The following ATXN1 variants were observed in gnomAD, a reference collection of about 807,000 sequenced individuals.
The protein encoded by ATXN1 is ataxin-1.
In ATXN1, 8 loss-of-function variants were observed where a neutral mutation model predicts 56.4. That is an observed-to-expected ratio of 0.14 (90% confidence interval 0.08 to 0.26). The LOEUF (loss-of-function observed/expected upper bound fraction) is 0.26, where lower values mean the gene tolerates loss of function less well. Ranked by LOEUF, ATXN1 falls within the 10% of genes least tolerant of loss-of-function variation. The pLI is 1.00. For missense variants in ATXN1, 987 were observed against 1,106.5 expected, an observed-to-expected ratio of 0.89 and a Z score of 1.53; for synonymous variants, 514 against 494.6, an observed-to-expected ratio of 1.04 and a Z score of -0.52.
chr6:16,633,424 A>T (rs2299069), intron 3 of ATXN1, among the ~76,000 whole-genome samples: 4,081 of 152,308 alleles, frequency 0.027, 77 homozygotes, highest in South Asian at 0.074. Context: ...TGAAACAAAC[A>T]TGACCACACG....
intron 3 of ATXN1, among the ~76,000 whole-genome samples, chr6:16,611,849 ATTTTTTTTTTTT>A (rs369870821): frequency 4.0e-5 from 3 of 75,170 alleles, no homozygotes; most frequent in African/African-American, 4.9e-5. Context: ...AGCAGATGAA[ATTTTTTTTTTTT>A]TTTTTTTTTT....
At chr6:16,750,616 C>T (rs531596021) in intron 2 of ATXN1, among the ~76,000 whole-genome samples, 4 of 152,268 alleles carry the variant, frequency 2.6e-5, no homozygotes, top group Non-Finnish European at 2.9e-5. Flanking sequence ...GGTGACTTTG[C>T]GCTACTTCGT....
At chr6:16,601,995 T>A (rs543239168) in intron 3 of ATXN1, among the ~76,000 whole-genome samples, 68 of 152,196 alleles carry the variant, frequency 4.5e-4, no homozygotes, top group Admixed American at 2.2e-3. Context: ...TCTCAAATCA[T>A]AAATCTTAAA....
chr6:16,626,614 C>A (rs1763411672), intron 3 of ATXN1, among the ~76,000 whole-genome samples: 2 of 152,086 alleles, frequency 1.3e-5, no homozygotes, highest in South Asian at 4.1e-4. Flanking sequence ...CATACTTAAT[C>A]AACTAATGAA....
chr6:16,306,441 C>T lies in ATXN1; in HGVS notation c.2336G>A (p.Ser779Asn). ...GTCTTCTGACTTCTCCAGTTTGCGG[C>T]TCTCTGGCGCCGACCACCTCCTCTT... ...TRKRRWSAPE[S>N]RKLEKSEDEP... Residue 779 changes from serine (S) to asparagine (N), a missense_variant, in exon 8 of 8, where the codon AGC becomes AAC. By Grantham distance (46) the Ser-to-Asn change is conservative (BLOSUM62 1). Around this residue, in one of 3 missense-constraint regions of ATXN1, gnomAD observed 196 missense variants for 196.7 expected, o/e 1.00. Coordinates refer to ENST00000436367, the MANE Select transcript of ATXN1 (RefSeq NM_001128164.2). This position sits in a 1 kb window ranked among gnomAD's most constrained non-coding sequence, Gnocchi z 5.2. 2 of 1,614,174 alleles carry T rather than the reference C, an allele frequency of 1.2e-6. No individual in the cohort carries two copies. The highest frequency in any genetic ancestry group is 1.1e-5 in the South Asian group (1 of 91,078).
rs1760016648 is a variant in ATXN1 at position 16,299,175 on chromosome 6, C to T, written c.*7154G>A. 6.6e-6 allele frequency: 1 copy of T among 152,548 alleles called. No homozygotes were observed. The highest frequency in any genetic ancestry group is 1.5e-5 in the Non-Finnish European group (1 of 68,026). 9.4% of individuals were successfully genotyped at this position (152,548 alleles called of 1,614,324 possible). On this transcript the variant is annotated 3_prime_UTR_variant, in exon 8 of 8. Transcript: ENST00000436367. ...GAAACAATAAACTTGTACTGGTATA[C>T]AGACAATTTATTTAAAACAATTTTG...
intron 2 of ATXN1, among the ~76,000 whole-genome samples, chr6:16,696,573 T>C (rs1759170020): frequency 6.6e-6 from 1 of 152,328 alleles, no homozygotes; most frequent in Non-Finnish European, 1.5e-5. Flanking sequence ...ATATACTATC[T>C]GGAAGCAGTT....
intron 2 of ATXN1, among the ~76,000 whole-genome samples, chr6:16,700,225 G>A (rs529310988): frequency 2.6e-5 from 4 of 152,230 alleles, no homozygotes; most frequent in South Asian, 4.1e-4. Context: ...TCAAACTGGC[G>A]ATCTGGACAG....
intron 6 of ATXN1, among the ~76,000 whole-genome samples, chr6:16,467,166 C>T (rs974468306): frequency 2.6e-4 from 39 of 152,376 alleles, no homozygotes; most frequent in Middle Eastern, 3.4e-3. Context: ...CCCACCCACA[C>T]ATCCCCAGCA....
At chr6:16,687,034 T>C (rs1758933426) in intron 2 of ATXN1, among the ~76,000 whole-genome samples, 2 of 152,304 alleles carry the variant, frequency 1.3e-5, no homozygotes, top group South Asian at 2.1e-4. Flanking sequence ...CTACTCCATA[T>C]GCTCAGAGAA....
intron 2 of ATXN1, among the ~76,000 whole-genome samples, chr6:16,748,216 C>CG (rs1435423541): frequency 1.3e-5 from 2 of 152,170 alleles, no homozygotes; most frequent in African/African-American, 4.8e-5. Flanking sequence ...GAAAACACCA[C>CG]AAAGCCTGCA....
intron 2 of ATXN1, among the ~76,000 whole-genome samples, chr6:16,694,257 T>C (rs1022599365): frequency 2.7e-5 from 4 of 148,898 alleles, no homozygotes; most frequent in African/African-American, 9.8e-5. Context: ...TTTTTCTTTT[T>C]TTTTTTTTTT....
intron 4 of ATXN1, among the ~76,000 whole-genome samples, chr6:16,524,727 A>G (rs919055295): frequency 9.9e-5 from 15 of 152,232 alleles, no homozygotes; most frequent in African/African-American, 3.6e-4. Flanking sequence ...AATGGAGGAA[A>G]GACACAGGAG....
At chr6:16,726,956 T>C (rs1035212996) in intron 2 of ATXN1, among the ~76,000 whole-genome samples, 4 of 152,244 alleles carry the variant, frequency 2.6e-5, no homozygotes, top group African/African-American at 9.6e-5. Flanking sequence ...CTGAACATAC[T>C]ACTTTCTGGA....
Position 16,410,630 on chromosome 6 carries a change from T to C in ATXN1, c.-161+75342A>G, listed in dbSNP as rs1758776996. On this transcript the variant is annotated intron_variant, in intron 6 of 7. Transcript: ENST00000436367. The surrounding 1 kb of genome is among the most constrained non-coding windows in gnomAD (Gnocchi z 4.6). ...TCCAAAAGGGTGCAATCATTTGTTT[T>C]ACTAGAATCTTCTTTATGTTCTAAA... Among the ~76,000 whole-genome samples, 1 of 152,264 alleles carries C rather than the reference T, an allele frequency of 6.6e-6. No individual in the cohort carries two copies. Among genetic ancestry groups the C allele is most frequent in the African/African-American group, 2.4e-5 (1 of 41,468 alleles).
chr6:16,672,579 G>A (rs9477205), intron 2 of ATXN1, among the ~76,000 whole-genome samples: 20,539 of 152,178 alleles, frequency 0.13, 2,624 homozygotes, highest in African/African-American at 0.33. Flanking sequence ...CAATGTAATC[G>A]CAAGGAAGTT....
At chr6:16,670,747 G>C (rs1758522951) in intron 2 of ATXN1, among the ~76,000 whole-genome samples, 1 of 152,144 alleles carries the variant, frequency 6.6e-6, no homozygotes, top group African/African-American at 2.4e-5. Context: ...TCAGGCTAAA[G>C]AAAATAAAAT....
intron 6 of ATXN1, among the ~76,000 whole-genome samples, chr6:16,389,337 C>CAAA (rs950919034): frequency 1.4e-4 from 17 of 125,606 alleles, no homozygotes; most frequent in African/African-American, 4.2e-4. Context: ...ACTCCATCTC[C>CAAA]AAAAAAAAAG....
In ATXN1 at chr6:16,659,626, T is replaced by C. The variant is rs1473626087; in HGVS notation, c.-614-1725A>G. Among the ~76,000 whole-genome samples the C allele has an allele frequency of 4.6e-5, 7 of 152,196 alleles. No homozygotes were observed. The South Asian group carries it at 8.3e-4, about 18-fold the overall frequency. ...TTTTTAAAGTCATACAGAAAGTTAA[T>C]ATGTACTTTGACTGGATTCTGGGTT... On this transcript the variant is annotated intron_variant, in intron 2 of 7. Transcript: ENST00000436367.
Sources: gnomAD v4.1 joint callset for allele counts (sites outside exome capture counted in the v4.1 genomes callset) on GRCh38, gnomAD v4.1.1 for gene constraint, gnomAD v4.1.1 regional missense constraint, Gnocchi (gnomAD v3.1) non-coding constraint, MANE v1.5 for transcripts, NCBI Gene and HGNC (gene_info 2026-07-23, HGNC 2026-07-21) for gene names.